GPR89A: variants seen among roughly 807,000 people sequenced by gnomAD.
The protein encoded by GPR89A is golgi pH regulator A, also known as G protein-coupled receptor 89A.
In GPR89A, 16 loss-of-function variants were observed where a neutral mutation model predicts 52.0. The ratio of observed to expected loss-of-function variants is 0.31; its 90% CI spans 0.21 to 0.47. The LOEUF is 0.47. GPR89A is among the 20% of genes least tolerant of loss of function. The probability of loss-of-function intolerance (pLI) is 1.00; values close to 1 mark genes in which losing one functional copy is unlikely to be tolerated. For synonymous variants in GPR89A, 55 were observed against 150.9 expected, an observed-to-expected ratio of 0.36 and a Z score of 4.66; for missense variants, 135 against 449.4, an observed-to-expected ratio of 0.30 and a Z score of 6.33.
intron 1 of GPR89A, among the ~76,000 whole-genome samples, chr1:145,610,715 A>G (rs1648204772): frequency 6.6e-6 from 1 of 152,170 alleles, no homozygotes; most frequent in South Asian, 2.1e-4. Context: ...CTCATTTGCC[A>G]TTCTATCCCT....
intron 1 of GPR89A, among the ~76,000 whole-genome samples, chr1:145,614,674 C>T (rs1332509563): frequency 1.3e-5 from 2 of 151,946 alleles, no homozygotes; most frequent in East Asian, 3.9e-4. Context: ...TCACACATTA[C>T]AAAACTGTAT....
intron 7 of GPR89A, among the ~76,000 whole-genome samples, chr1:145,637,382 T>C (rs1650320334): frequency 6.7e-6 from 1 of 148,482 alleles, no homozygotes; most frequent in African/African-American, 2.5e-5. Flanking sequence ...CAGCAGAGAA[T>C]ATCAGGGAGT....
chr1:145,651,756 C>CA (rs1571527023), intron 10 of GPR89A, among the ~76,000 whole-genome samples: 1 of 144,796 alleles, frequency 6.9e-6, no homozygotes, highest in East Asian at 2.0e-4. Context: ...CTCTTTGTAG[C>CA]AGTTGTAAAT....
chr1:145,650,811 T>C (rs1330449535), intron 10 of GPR89A, among the ~76,000 whole-genome samples: 4 of 152,128 alleles, frequency 2.6e-5, no homozygotes, highest in Admixed American at 1.3e-4. Flanking sequence ...TGTCTGTTCA[T>C]GTCCTTTGCT....
intron 1 of GPR89A, among the ~76,000 whole-genome samples, chr1:145,615,007 C>T (rs587624266): frequency 1.3e-4 from 20 of 152,276 alleles, no homozygotes; most frequent in African/African-American, 3.1e-4. Flanking sequence ...GACATAAAAT[C>T]ATTTTATTCA....
At chr1:145,662,577 A>G (rs1652274401) in intron 10 of GPR89A, among the ~76,000 whole-genome samples, 1 of 152,042 alleles carries the variant, frequency 6.6e-6, no homozygotes, top group South Asian at 2.1e-4. Context: ...TGTTTAGACC[A>G]AGGATCAGCA....
chr1:145,613,457 T>G lies in GPR89A; in HGVS notation c.43-2777T>G, dbSNP rs1413801594. Reference sequence around the variant, plus strand: ...TTGTTTCCTTCAAGTGTGTCTTCCATACAGCCACCATACCGCTCTATATAA... The same window carrying G: ...TTGTTTCCTTCAAGTGTGTCTTCCAGACAGCCACCATACCGCTCTATATAA... On this transcript the variant is annotated intron_variant, in intron 1 of 13. Transcript: ENST00000313835. Among the ~76,000 whole-genome samples, 10 of 152,314 alleles carry G rather than the reference T, an allele frequency of 6.6e-5. No individual in the cohort carries two copies. In the East Asian group the frequency reaches 1.5e-3, roughly 24 times the overall value.
chr1:145,612,188 T>C (rs1368714650), intron 1 of GPR89A: 1 of 152,064 alleles, frequency 6.6e-6, no homozygotes, highest in African/African-American at 2.4e-5. Flanking sequence ...CTAACTCACC[T>C]CTCTTACTCT....
chr1:145,632,405 T>A (rs1420738668), intron 7 of GPR89A, among the ~76,000 whole-genome samples: 1 of 151,960 alleles, frequency 6.6e-6, no homozygotes, highest in Non-Finnish European at 1.5e-5. Flanking sequence ...TCTCCATTCC[T>A]CCCACCCATC....
chr1:145,615,642 T>TC (rs1230102853), intron 1 of GPR89A, among the ~76,000 whole-genome samples: 1 of 106,990 alleles, frequency 9.3e-6, no homozygotes, highest in Non-Finnish European at 1.9e-5. Flanking sequence ...TTCTTTTTTT[T>TC]CGAGACCTAG....
At chr1:145,611,558 A>G (rs1371203921) in intron 1 of GPR89A, 2 of 152,036 alleles carry the variant, frequency 1.3e-5, no homozygotes, top group African/African-American at 4.8e-5. Context: ...TTCTTTTTCA[A>G]TGTGAAAGGA....
intron 10 of GPR89A, among the ~76,000 whole-genome samples, chr1:145,662,466 A>G (rs1281273762): frequency 1.3e-5 from 2 of 151,790 alleles, no homozygotes; most frequent in South Asian, 2.1e-4. Flanking sequence ...CTTTTAACCT[A>G]TTTGTATCTT....
chr1:145,609,038 C>T (rs587652639), intron 1 of GPR89A, among the ~76,000 whole-genome samples: 1 of 152,236 alleles, frequency 6.6e-6, no homozygotes, highest in African/African-American at 2.4e-5. Context: ...ATAGCTGTAT[C>T]CCCACTTCCA....
At chr1:145,646,964 G>A (rs1355146717) in intron 9 of GPR89A, 3 of 639,500 alleles carry the variant, frequency 4.7e-6, no homozygotes, top group Admixed American at 6.6e-5. Flanking sequence ...AAGATTAAGT[G>A]GATAATGCAT....
intron 1 of GPR89A, among the ~76,000 whole-genome samples, chr1:145,610,936 C>CTATA (rs1458406055): frequency 3.9e-5 from 6 of 152,092 alleles, no homozygotes; most frequent in Non-Finnish European, 7.3e-5. Flanking sequence ...GCCCTCTATA[C>CTATA]CGTCATAAGA....
chr1:145,657,262 A>T (rs1477983908), intron 10 of GPR89A, among the ~76,000 whole-genome samples: 1 of 148,660 alleles, frequency 6.7e-6, no homozygotes, highest in African/African-American at 2.6e-5. Flanking sequence ...GTGTGGTGGC[A>T]TGCCTGTGTT....
chr1:145,626,962 A>AAG lies in GPR89A; in HGVS notation c.415+3249_415+3250insGA, dbSNP rs1649552730. 6.0e-3 allele frequency among the ~76,000 whole-genome samples: 885 copies of AAG among 148,622 alleles called. 14 individuals carry two copies. Among genetic ancestry groups the AAG allele is most frequent in the African/African-American group, 0.021 (838 of 40,382 alleles). On this transcript the variant is annotated intron_variant, in intron 5 of 13. Transcript: ENST00000313835. The stretch of plus-strand genomic sequence containing the variant: ...AGCGAGACTCTACAAAAAAAAAAAA[A>AAG]AAGATAAGACCAATCCTTATGTAAA...
intron 10 of GPR89A, among the ~76,000 whole-genome samples, chr1:145,660,616 A>C (rs1189268461): frequency 2.0e-5 from 3 of 152,176 alleles, no homozygotes; most frequent in Non-Finnish European, 4.4e-5. Flanking sequence ...CAAGAAAAAA[A>C]CAAACAACCC....
intron 10 of GPR89A, among the ~76,000 whole-genome samples, chr1:145,659,968 C>T (rs1652083668): frequency 6.6e-6 from 1 of 151,450 alleles, no homozygotes; most frequent in Non-Finnish European, 1.5e-5. Context: ...TTGTAGTTCT[C>T]CTTGAAGAGG....
Sources: allele counts gnomAD v4.1 joint callset (sites outside exome capture counted in the v4.1 genomes callset), GRCh38; gene constraint gnomAD v4.1.1; transcripts MANE v1.5; gene names NCBI Gene and HGNC (gene_info 2026-07-23, HGNC 2026-07-21).